INA: variants seen among roughly 807,000 people sequenced by gnomAD.
INA encodes the protein internexin neuronal intermediate filament protein alpha.
In INA, 35 loss-of-function variants were observed where a neutral mutation model predicts 40.1. The ratio of observed to expected loss-of-function variants is 0.87; its 90% confidence interval spans 0.67 to 1.16. INA has a LOEUF of 1.16. INA is among the 50% of genes most tolerant of loss of function. The pLI, the probability that INA is intolerant of heterozygous loss-of-function variation, is 0.00. For missense variants in INA, 594 were observed against 686.7 expected (o/e 0.87, Z 1.51); for synonymous variants, 290 against 316.9 (o/e 0.92, Z 0.90).
intron 1 of INA, chr10:103,280,325 G>A: frequency 1.1e-5 from 11 of 985,432 alleles, no homozygotes; most frequent in Non-Finnish European, 1.3e-5. Flanking sequence ...TGGGACCTAA[G>A]GCTAAGGTGG....
chr10:103,283,298 A>G (rs2093076706), intron 1 of INA, among the ~76,000 whole-genome samples: 1 of 152,062 alleles, frequency 6.6e-6, no homozygotes. Flanking sequence ...CTCTTACCAC[A>G]GTAATATTGA....
At chr10:103,279,804 T>C (rs2093068923) in intron 1 of INA, 2 of 457,842 alleles carry the variant, frequency 4.4e-6, no homozygotes, top group Non-Finnish European at 7.4e-6. Flanking sequence ...GTTAGTTTGG[T>C]ATTGCATTAT....
chr10:103,280,372 G>C, intron 1 of INA: 1 of 985,432 alleles, frequency 1.0e-6, no homozygotes. Flanking sequence ...ACGGCCTGAT[G>C]CCACAAGGGT....
intron 1 of INA, chr10:103,280,473 T>G (rs1400845721): frequency 1.0e-6 from 1 of 985,334 alleles, no homozygotes; most frequent in African/African-American, 1.7e-5. Context: ...TTTCTTGCCC[T>G]CTCATCTCAT....
Position 103,277,160 on chromosome 10 carries a change from T to C in INA, c.-52T>C. On this transcript the variant is annotated 5_prime_UTR_variant, in exon 1 of 3. Coordinates refer to ENST00000369849, the MANE Select transcript of INA (RefSeq NM_032727.4). This position sits in a 1 kb window ranked among gnomAD's most constrained non-coding sequence, Gnocchi z 5.6. ...CGCGCCCTGCCTGCCGCACCTCTCC[T>C]TTCTTCTGTAGCTCGCGTTGAAGCC... 1 of 1,514,632 alleles carries C rather than the reference T, an allele frequency of 6.6e-7. No homozygotes were observed. Among genetic ancestry groups the C allele is most frequent in the Non-Finnish European group, 8.8e-7 (1 of 1,137,694 alleles). The allele number at this position is 1,514,632 out of a possible 1,614,324, so 93.8% of individuals were successfully genotyped here.
chr10:103,279,851 C>T, intron 1 of INA: 1 of 925,860 alleles, frequency 1.1e-6, no homozygotes, highest in Non-Finnish European at 1.5e-6. Context: ...CCTCAAAATC[C>T]ATAACTTGAA....
intron 2 of INA, 31 bp downstream of exon 2, chr10:103,287,190 A>G (rs1414712294): frequency 6.2e-7 from 1 of 1,604,928 alleles, no homozygotes; most frequent in Non-Finnish European, 8.5e-7. Context: ...ACCCGAGTAA[A>G]TCCAGTCACC....
At position 103,288,588 on chromosome 10, in the gene INA, A is replaced by G; in HGVS notation, c.1419A>G (p.Ile473Met). The change falls in exon 3 of 3, where the codon ATA (isoleucine) becomes ATG (methionine). Residue 473 changes from isoleucine to methionine, a missense_variant. By Grantham distance (10) the Ile-to-Met change is conservative. Coordinates refer to ENST00000369849, the MANE Select transcript of INA (RefSeq NM_032727.4). ...TSQIGESFEE[I>M]LEETVISTKK... ...AGATAGGGGAAAGTTTTGAAGAAAT[A>G]TTAGAGGAGACAGTAATATCTACTA... is the stretch of plus-strand genomic sequence containing the variant. 1 of 1,613,224 alleles carries G rather than the reference A, an allele frequency of 6.2e-7. No homozygotes were observed. The highest frequency in any genetic ancestry group is 8.5e-7 in the Non-Finnish European group (1 of 1,179,420).
In INA at chr10:103,282,281, A is replaced by G. The variant is rs372343315; in HGVS notation, c.1065+4005A>G. On this transcript the variant is annotated intron_variant, in intron 1 of 2. Transcript: ENST00000369849. The stretch of plus-strand genomic sequence containing the variant: ...GAAAACACAGCTGTGAAACAAAAAT[A>G]ATGTTTTAAGCAAGGACCTAATTAA... Among the ~76,000 whole-genome samples the G allele has an allele frequency of 5.1e-4, 78 of 152,346 alleles. 1 individual carries two copies. In the South Asian group the frequency reaches 0.016, roughly 31 times the overall value.
In INA at chr10:103,278,924, C is replaced by T. The variant is rs2093067104; in HGVS notation, c.1065+648C>T. On this transcript the variant is annotated intron_variant, in intron 1 of 2. Coordinates refer to ENST00000369849, the MANE Select transcript of INA (RefSeq NM_032727.4). The surrounding 1 kb of genome is among the most constrained non-coding windows in gnomAD (Gnocchi z 4.9). ...ACCAGCACACACACACACACACACA[C>T]ACACACACACGATTCCCTTGTCCAC... Among the ~76,000 whole-genome samples the T allele has an allele frequency of 6.6e-6, 1 of 151,868 alleles. No individual in the cohort carries two copies. Among genetic ancestry groups the T allele is most frequent in the African/African-American group, 2.4e-5 (1 of 41,358 alleles).
chr10:103,282,521 A>G (rs1296355623), intron 1 of INA, among the ~76,000 whole-genome samples: 1 of 152,194 alleles, frequency 6.6e-6, no homozygotes, highest in African/African-American at 2.4e-5. Context: ...AAGAAAATCA[A>G]TGAGCATCAA....
intron 1 of INA, among the ~76,000 whole-genome samples, chr10:103,281,852 T>A (rs1298791395): frequency 6.6e-6 from 1 of 152,246 alleles, no homozygotes; most frequent in East Asian, 1.9e-4. Flanking sequence ...TCAGACGAGC[T>A]AAGACGATGC....
chr10:103,288,565 A>G lies in INA; in HGVS notation c.1396A>G (p.Ile466Val). 2 of 1,613,842 alleles carry G rather than the reference A, an allele frequency of 1.2e-6. No individual in the cohort carries two copies. Among genetic ancestry groups the G allele is most frequent in the African/African-American group, 1.3e-5 (1 of 75,032 alleles). ...GGTAGCCTCTAAGAAAACCTCCCAG[A>G]TAGGGGAAAGTTTTGAAGAAATATT... ...SKVASKKTSQ[I>V]GESFEEILEE... The change falls in exon 3 of 3, where the codon ATA becomes GTA. Residue 466 changes from isoleucine to valine, a missense_variant. Ile to Val is a conservative substitution (Grantham distance 29). Coordinates refer to ENST00000369849, the MANE Select transcript of INA (RefSeq NM_032727.4).
At chr10:103,285,336 C>T (rs1478744562) in intron 1 of INA, among the ~76,000 whole-genome samples, 2 of 144,418 alleles carry the variant, frequency 1.4e-5, no homozygotes, top group Non-Finnish European at 1.5e-5. Context: ...GCTCTTGTTG[C>T]CCAAGCTGGA....
At chr10:103,284,041 T>C (rs2093079262) in intron 1 of INA, among the ~76,000 whole-genome samples, 1 of 151,986 alleles carries the variant, frequency 6.6e-6, no homozygotes, top group Non-Finnish European at 1.5e-5. Context: ...AGTGCTGGGA[T>C]TACAGGCATG....
chr10:103,287,866 G>A (rs1259319893), intron 2 of INA, among the ~76,000 whole-genome samples: 1 of 152,034 alleles, frequency 6.6e-6, no homozygotes, highest in South Asian at 2.1e-4. Flanking sequence ...GTCATTCACT[G>A]GTTTTTGTTA....
At chr10:103,285,698 A>G (rs1243561990) in intron 1 of INA, among the ~76,000 whole-genome samples, 1 of 141,456 alleles carries the variant, frequency 7.1e-6, no homozygotes, top group Non-Finnish European at 1.5e-5. Flanking sequence ...TCTCACTGCA[A>G]CCTCCCCCTC....
intron 1 of INA, among the ~76,000 whole-genome samples, chr10:103,284,581 C>T (rs2093080749): frequency 6.6e-6 from 1 of 151,926 alleles, no homozygotes; most frequent in Non-Finnish European, 1.5e-5. Flanking sequence ...TGGTGAAACC[C>T]CATCTCTACT....
At position 103,278,266 on chromosome 10, in the gene INA, C is replaced by T. The variant is rs1297316290; in HGVS notation, c.1055C>T (p.Ala352Val). The change falls in exon 1 of 3, where the codon GCT becomes GTT. Residue 352 changes from alanine to valine, a missense_variant. By Grantham distance (64) the Ala-to-Val change is moderately conservative. Coordinates refer to ENST00000369849, the MANE Select transcript of INA (RefSeq NM_032727.4). The surrounding 1 kb of genome is among the most constrained non-coding windows in gnomAD (Gnocchi z 4.9). ...ELEERHSAEVAGYQDSIGQLE... is the reference protein window; with the variant it reads ...ELEERHSAEVVGYQDSIGQLE... ...GAGGAGCGGCACAGTGCCGAGGTAG[C>T]TGGCTACCAGGTAAGGGCCGGGGCT... The T allele has an allele frequency of 9.0e-6, 14 of 1,555,826 alleles. No homozygotes were observed. Among genetic ancestry groups the T allele is most frequent in the Non-Finnish European group, 1.2e-5 (14 of 1,150,116 alleles).
Sources: allele counts gnomAD v4.1 joint callset (sites outside exome capture counted in the v4.1 genomes callset), GRCh38; gene constraint gnomAD v4.1.1; non-coding constraint Gnocchi (gnomAD v3.1); transcripts MANE v1.5; gene names NCBI Gene and HGNC (gene_info 2026-07-23, HGNC 2026-07-21).